Variants in EYS observed in about 807,000 individuals in gnomAD.
EYS encodes protein eyes shut homolog.
Under a neutral mutation model 282.1 loss-of-function variants are expected in EYS, and 250 were observed. The ratio of observed to expected loss-of-function variants is 0.89; its 90% CI spans 0.80 to 0.98. The LOEUF (loss-of-function observed/expected upper bound fraction) is 0.98, where lower values mean the gene tolerates loss of function less well. Among genes scored for constraint, EYS ranks in the 50% least tolerant of loss-of-function variants. The pLI is 0.00. For missense variants in EYS, 4,016 were observed against 3,709.0 expected, an observed-to-expected ratio of 1.08 and a Z score of -2.15; for synonymous variants, 1,355 against 1,282.9, an observed-to-expected ratio of 1.06 and a Z score of -1.20.
At chr6:63,818,786 C>A (rs1771246525) in intron 36 of EYS, among the ~76,000 whole-genome samples, 1 of 152,176 alleles carries the variant, frequency 6.6e-6, no homozygotes, top group African/African-American at 2.4e-5. Flanking sequence ...GCCCTCAAAA[C>A]CTAACTAACC....
intron 7 of EYS, among the ~76,000 whole-genome samples, chr6:65,399,719 G>T (rs562177061): frequency 1.3e-5 from 2 of 152,154 alleles, no homozygotes; most frequent in East Asian, 3.9e-4. Context: ...GTTTTCAGTT[G>T]TAAATAACAT....
intron 22 of EYS, among the ~76,000 whole-genome samples, chr6:64,683,829 A>C (rs1769988441): frequency 6.6e-6 from 1 of 152,168 alleles, no homozygotes; most frequent in African/African-American, 2.4e-5. Context: ...TAGGGTTGGG[A>C]CCATGAGAAA....
chr6:64,076,442 C>T (rs1771773120), intron 32 of EYS, among the ~76,000 whole-genome samples: 1 of 151,734 alleles, frequency 6.6e-6, no homozygotes, highest in Non-Finnish European at 1.5e-5. Flanking sequence ...TGGCTGTGTC[C>T]CTACCCAAAT....
chr6:64,751,262 G>T (rs531826357), intron 22 of EYS, among the ~76,000 whole-genome samples: 5 of 152,254 alleles, frequency 3.3e-5, no homozygotes, highest in African/African-American at 9.6e-5. Context: ...CCCCTCCCAC[G>T]CAGAGGAGTT....
At chr6:65,671,704 C>G (rs1045285439) in intron 1 of EYS, among the ~76,000 whole-genome samples, 9 of 152,084 alleles carry the variant, frequency 5.9e-5, no homozygotes, top group African/African-American at 2.2e-4. Context: ...AAGTGAGTAT[C>G]ATGCCAGCCA....
chr6:63,962,805 C>T (rs186546852), intron 35 of EYS, among the ~76,000 whole-genome samples: 6 of 152,240 alleles, frequency 3.9e-5, no homozygotes, highest in East Asian at 1.9e-4. Flanking sequence ...AAGACACATG[C>T]GCACGTATGT....
Position 63,864,283 on chromosome 6 carries a change from G to T in EYS, c.7131C>A (p.Asn2377Lys), listed in dbSNP as rs2149709716. 2 of 1,551,638 alleles carry T rather than the reference G, an allele frequency of 1.3e-6. No homozygotes were observed. The highest frequency in any genetic ancestry group is 2.4e-5 in the East Asian group (1 of 40,912). ...GKLCQFASCE[N>K]NPCGNGATCV... ...AGGTGGCACCATTTCCACATGGGTT[G>T]TTTTCACAACTTGCAAACTGGCACA... Residue 2377 changes from asparagine (N) to lysine (K), a missense_variant, in exon 36 of 43, where the codon AAC (asparagine) becomes AAA (lysine). Physicochemically the swap from Asn to Lys is moderately conservative, Grantham distance 94. Transcript: ENST00000503581.
intron 5 of EYS, among the ~76,000 whole-genome samples, chr6:65,457,411 C>T (rs1764666407): frequency 6.6e-6 from 1 of 152,016 alleles, no homozygotes; most frequent in Non-Finnish European, 1.5e-5. Context: ...GCAATCCTTC[C>T]ACCTCAGCCT....
chr6:65,327,090 G>A (rs189433540), intron 11 of EYS, among the ~76,000 whole-genome samples: 12 of 151,608 alleles, frequency 7.9e-5, no homozygotes, highest in African/African-American at 2.9e-4. Flanking sequence ...AGGCATTATT[G>A]ATTGTAATGC....
intron 29 of EYS, among the ~76,000 whole-genome samples, chr6:64,343,772 G>GT (rs1033761340): frequency 5.3e-5 from 8 of 151,976 alleles, no homozygotes; most frequent in Non-Finnish European, 8.8e-5. Flanking sequence ...CCAGCAGCTG[G>GT]TTTTTTGAAA....
intron 29 of EYS, among the ~76,000 whole-genome samples, chr6:64,369,802 G>A (rs1269116799): frequency 1.3e-5 from 2 of 152,020 alleles, no homozygotes; most frequent in Non-Finnish European, 2.9e-5. Context: ...TTGTGAATGG[G>A]ATTGCATTCT....
intron 15 of EYS, among the ~76,000 whole-genome samples, chr6:64,944,932 T>G (rs909584468): frequency 3.3e-5 from 5 of 152,146 alleles, no homozygotes; most frequent in African/African-American, 7.2e-5. Flanking sequence ...TTGAACTTAA[T>G]TATGACATAG....
intron 22 of EYS, among the ~76,000 whole-genome samples, chr6:64,812,076 A>T (rs1764613422): frequency 6.6e-6 from 1 of 152,118 alleles, no homozygotes; most frequent in Admixed American, 6.6e-5. Context: ...GGCAATTATT[A>T]GGTTATAACC....
chr6:65,235,307 C>A (rs1239810268), intron 12 of EYS, among the ~76,000 whole-genome samples: 3 of 151,940 alleles, frequency 2.0e-5, no homozygotes, highest in Non-Finnish European at 4.4e-5. Context: ...TGTGACTGAG[C>A]CACATTTAAT....
chr6:63,874,815 C>T (rs180790628), intron 35 of EYS, among the ~76,000 whole-genome samples: 5 of 152,238 alleles, frequency 3.3e-5, no homozygotes, highest in East Asian at 1.9e-4. Context: ...TTTTGGACAT[C>T]GATTTTGTAT....
intron 22 of EYS, among the ~76,000 whole-genome samples, chr6:64,734,598 T>G (rs1772121760): frequency 6.6e-6 from 1 of 152,206 alleles, no homozygotes; most frequent in Non-Finnish European, 1.5e-5. Flanking sequence ...TGTTAGCCAT[T>G]TACAATTTTT....
At chr6:64,345,398 A>C (rs960178180) in intron 29 of EYS, among the ~76,000 whole-genome samples, 1 of 152,124 alleles carries the variant, frequency 6.6e-6, no homozygotes, top group Admixed American at 6.6e-5. Context: ...ATAATGCTGC[A>C]TATCTACAAC....
At chr6:64,034,746 A>T (rs193280088) in intron 33 of EYS, among the ~76,000 whole-genome samples, 1 of 152,342 alleles carries the variant, frequency 6.6e-6, no homozygotes, top group Non-Finnish European at 1.5e-5. Flanking sequence ...TTATTAGGCC[A>T]GGAAATAATC....
chr6:63,950,657 T>G (rs533133884), intron 35 of EYS, among the ~76,000 whole-genome samples: 1 of 152,122 alleles, frequency 6.6e-6, no homozygotes, highest in Non-Finnish European at 1.5e-5. Context: ...CCTCCTGCTC[T>G]TTGCTCCGTG....
Sources: gnomAD v4.1 joint callset for allele counts (sites outside exome capture counted in the v4.1 genomes callset) on GRCh38, gnomAD v4.1.1 for gene constraint, MANE v1.5 for transcripts, NCBI Gene and HGNC (gene_info 2026-07-23, HGNC 2026-07-21) for gene names.